NRXN1: variants seen among roughly 807,000 people sequenced by gnomAD.
NRXN1 encodes the protein neurexin 1.
A neutral mutation model predicts 150.9 loss-of-function variants in NRXN1; 39 were observed. That is an observed-to-expected ratio of 0.26 (90% CI 0.20 to 0.34). The LOEUF is 0.34. NRXN1 is among the 10% of genes least tolerant of loss of function. The pLI, the probability that NRXN1 is intolerant of heterozygous loss-of-function variation, is 1.00. For missense variants in NRXN1, 1,815 were observed against 1,949.9 expected, an observed-to-expected ratio of 0.93 and a Z score of 1.30; for synonymous variants, 924 against 757.0, an observed-to-expected ratio of 1.22 and a Z score of -3.62.
chr2:49,981,478 G>A (rs1190577473), intron 21 of NRXN1, among the ~76,000 whole-genome samples: 1 of 151,982 alleles, frequency 6.6e-6, no homozygotes, highest in African/African-American at 2.4e-5. Flanking sequence ...TGGACTATAC[G>A]AGAAACTTTT....
intron 8 of NRXN1, among the ~76,000 whole-genome samples, chr2:50,581,769 A>C (rs1407516937): frequency 6.6e-6 from 1 of 152,180 alleles, no homozygotes; most frequent in Non-Finnish European, 1.5e-5. Context: ...ACATCTAGCT[A>C]GAAATGATGG....
intron 2 of NRXN1, 49 bp downstream of exon 2, chr2:51,027,453 C>A (rs1306403601): frequency 1.2e-5 from 17 of 1,474,700 alleles, no homozygotes; most frequent in Non-Finnish European, 1.5e-5. Context: ...CCCTCCTCCC[C>A]GAGCCCCGCC....
intron 17 of NRXN1, among the ~76,000 whole-genome samples, chr2:50,304,860 G>A (rs1263062721): frequency 6.6e-6 from 1 of 152,122 alleles, no homozygotes; most frequent in African/African-American, 2.4e-5. Context: ...GAGAGGCCAA[G>A]GTGGGCGGAT....
intron 18 of NRXN1, among the ~76,000 whole-genome samples, chr2:50,113,349 T>C (rs898171864): frequency 1.1e-4 from 17 of 152,306 alleles, no homozygotes; most frequent in African/African-American, 3.6e-4. Flanking sequence ...ATAAAGCTTT[T>C]TGAGCACTCC....
At position 50,322,081 on chromosome 2, in the gene NRXN1, A is replaced by T. The variant is rs1187201753; in HGVS notation, c.3365-85111T>A. 3.3e-5 allele frequency among the ~76,000 whole-genome samples: 5 copies of T among 151,946 alleles called. No individual in the cohort carries two copies. In the East Asian group the frequency reaches 9.6e-4, roughly 29 times the overall value. ...TCTGTCATGTGCACTTCAAGCCTGA[A>T]ATGGATTAAATCTAGGGACTAAACA... On this transcript the variant is annotated intron_variant, in intron 17 of 22. Coordinates refer to ENST00000401669, the MANE Select transcript of NRXN1 (RefSeq NM_001330078.2).
intron 5 of NRXN1, among the ~76,000 whole-genome samples, chr2:50,786,392 C>T (rs1177269166): frequency 1.3e-5 from 2 of 152,094 alleles, no homozygotes; most frequent in African/African-American, 4.8e-5. Context: ...CTCTCAGTAC[C>T]TACCAGTTGT....
In NRXN1 at chr2:50,864,572, T is replaced by C. The variant is rs1021292063; in HGVS notation, c.832+57297A>G. Among the ~76,000 whole-genome samples, 8 of 152,038 alleles carry C rather than the reference T, an allele frequency of 5.3e-5. No individual in the cohort carries two copies. The East Asian group carries it at 5.8e-4, about 11-fold the overall frequency. On this transcript the variant is annotated intron_variant, in intron 5 of 22. Coordinates refer to ENST00000401669, the MANE Select transcript of NRXN1 (RefSeq NM_001330078.2). ...TCGAAATAATCTTGAAATAAATTGATAGGAGACATTTAAAAATCTATGTAG... is the reference window on the plus strand; with the variant it reads ...TCGAAATAATCTTGAAATAAATTGACAGGAGACATTTAAAAATCTATGTAG...
chr2:50,418,262 C>T (rs2083701877), intron 17 of NRXN1, among the ~76,000 whole-genome samples: 2 of 151,988 alleles, frequency 1.3e-5, no homozygotes, highest in African/African-American at 4.8e-5. Flanking sequence ...GAGTCCTGAA[C>T]AGGCTCAAAA....
At chr2:50,932,780 C>T (rs1687955227) in intron 2 of NRXN1, among the ~76,000 whole-genome samples, 4 of 152,020 alleles carry the variant, frequency 2.6e-5, no homozygotes, top group Admixed American at 2.6e-4. Flanking sequence ...AATATAACTA[C>T]TGGTATCACT....
chr2:49,963,709 AC>A (rs1240440244), intron 21 of NRXN1, among the ~76,000 whole-genome samples: 3 of 152,194 alleles, frequency 2.0e-5, no homozygotes, highest in Admixed American at 2.0e-4. Flanking sequence ...AACATCTTTC[AC>A]CAAACAAAAC....
At chr2:50,393,514 A>G (rs2103842001) in intron 17 of NRXN1, among the ~76,000 whole-genome samples, 1 of 152,240 alleles carries the variant, frequency 6.6e-6, no homozygotes, top group South Asian at 2.1e-4. Context: ...GCTGTGGAAA[A>G]CAGAAAGAAC....
intron 2 of NRXN1, among the ~76,000 whole-genome samples, chr2:50,932,265 G>A (rs1439457775): frequency 7.9e-5 from 12 of 152,002 alleles, no homozygotes; most frequent in Middle Eastern, 3.4e-3. Flanking sequence ...GCACATGCCT[G>A]TAATCCCAGC....
In NRXN1 at chr2:50,692,982, C is replaced by T. The variant is rs574781575; in HGVS notation, c.833-69367G>A. Among the ~76,000 whole-genome samples the T allele has an allele frequency of 3.4e-4, 52 of 152,126 alleles. 2 individuals are homozygous for T. The highest frequency in any genetic ancestry group is 3.1e-4 in the Non-Finnish European group (21 of 68,024). ...AAGTGAAGTTTGTAAATGAGAAGAGCTAAATTATCAGTTACTGTGTCAATG... is the reference window on the plus strand; with the variant it reads ...AAGTGAAGTTTGTAAATGAGAAGAGTTAAATTATCAGTTACTGTGTCAATG... On this transcript the variant is annotated intron_variant, in intron 5 of 22. Transcript: ENST00000401669.
At chr2:50,779,264 T>C (rs2105502580) in intron 5 of NRXN1, among the ~76,000 whole-genome samples, 1 of 145,494 alleles carries the variant, frequency 6.9e-6, no homozygotes, top group Non-Finnish European at 1.5e-5. Flanking sequence ...TATGAGAACA[T>C]GAAGTGTCTG....
At chr2:50,038,029 G>C (rs1301527625) in intron 21 of NRXN1, among the ~76,000 whole-genome samples, 1 of 152,110 alleles carries the variant, frequency 6.6e-6, no homozygotes, top group Non-Finnish European at 1.5e-5. Flanking sequence ...TTTCAAGAAA[G>C]AAAGAGGGTC....
At chr2:50,281,305 A>C (rs981230188) in intron 17 of NRXN1, among the ~76,000 whole-genome samples, 1 of 149,926 alleles carries the variant, frequency 6.7e-6, no homozygotes, top group African/African-American at 2.5e-5. Context: ...TGACAGAGCA[A>C]GACTCCGTCT....
At chr2:50,219,823 G>A (rs568652007) in intron 18 of NRXN1, among the ~76,000 whole-genome samples, 1 of 147,040 alleles carries the variant, frequency 6.8e-6, no homozygotes, top group South Asian at 2.1e-4. Flanking sequence ...CGGGAGTGTC[G>A]AGGCTTCAGT....
chr2:50,267,470 T>A (rs1386547831), intron 17 of NRXN1, among the ~76,000 whole-genome samples: 1 of 152,118 alleles, frequency 6.6e-6, no homozygotes, highest in Non-Finnish European at 1.5e-5. Flanking sequence ...GCCATAAACA[T>A]CCTGAAGGGC....
At chr2:50,979,571 G>T (rs1696458029) in intron 2 of NRXN1, among the ~76,000 whole-genome samples, 1 of 152,004 alleles carries the variant, frequency 6.6e-6, no homozygotes, top group African/African-American at 2.4e-5. Flanking sequence ...ATTTATAAAA[G>T]TTCACCTGAA....
Sources: allele counts gnomAD v4.1 joint callset (sites outside exome capture counted in the v4.1 genomes callset), GRCh38; gene constraint gnomAD v4.1.1; transcripts MANE v1.5; gene names NCBI Gene and HGNC (gene_info 2026-07-23, HGNC 2026-07-21).